HMCN1: variants seen among roughly 807,000 people sequenced by gnomAD.
HMCN1 encodes the protein hemicentin-1.
A neutral mutation model predicts 625.9 loss-of-function variants in HMCN1; 321 were observed. The ratio of observed to expected loss-of-function variants is 0.51; its 90% CI spans 0.47 to 0.56. The LOEUF is 0.56. Ranked by LOEUF, HMCN1 falls within the 20% of genes least tolerant of loss-of-function variation. HMCN1 has a pLI of 0.00. For missense variants in HMCN1, 6,588 were observed against 6,887.3 expected (o/e 0.96, Z 1.54); for synonymous variants, 2,425 against 2,417.6 (o/e 1.00, Z -0.09).
At chr1:186,022,272 G>A (rs1394418830) in intron 35 of HMCN1, among the ~76,000 whole-genome samples, 1 of 152,006 alleles carries the variant, frequency 6.6e-6, no homozygotes, top group African/African-American at 2.4e-5. Flanking sequence ...CTTGGGTGTG[G>A]AACAGGAAGA....
intron 15 of HMCN1, among the ~76,000 whole-genome samples, chr1:185,975,272 T>C (rs993150418): frequency 2.0e-5 from 3 of 152,132 alleles, no homozygotes; most frequent in African/African-American, 7.2e-5. Flanking sequence ...GACTGGGTAA[T>C]TTGTGAAGAA....
intron 4 of HMCN1, among the ~76,000 whole-genome samples, chr1:185,873,122 T>A (rs1663724760): frequency 6.6e-6 from 1 of 152,076 alleles, no homozygotes; most frequent in African/African-American, 2.4e-5. Flanking sequence ...GAAAAAGAAA[T>A]AAACCTATTT....
intron 2 of HMCN1, among the ~76,000 whole-genome samples, chr1:185,855,437 C>T (rs777672366): frequency 9.9e-5 from 15 of 152,096 alleles, no homozygotes; most frequent in Non-Finnish European, 1.9e-4. Context: ...TCTTTTTATT[C>T]TTGGTTGTCT....
intron 1 of HMCN1, among the ~76,000 whole-genome samples, chr1:185,740,204 C>T (rs1653884574): frequency 6.6e-6 from 1 of 152,126 alleles, no homozygotes; most frequent in South Asian, 2.1e-4. Flanking sequence ...ATAGAAGTGA[C>T]GTGATCTGAC....
At position 186,011,537 on chromosome 1, in the gene HMCN1, G is replaced by T. The variant is rs145443970; in HGVS notation, c.4631-3622G>T. Among the ~76,000 whole-genome samples the T allele has an allele frequency of 3.1e-3, 474 of 152,276 alleles. 4 individuals are homozygous for T. Among genetic ancestry groups the T allele is most frequent in the East Asian group, 7.3e-3 (38 of 5,192 alleles). ...TTGACTGCCAATTAATAAATTCTAGGTGAAGGTTAGGTGGAAAGCCCTCAC... is the reference window on the plus strand; with the variant it reads ...TTGACTGCCAATTAATAAATTCTAGTTGAAGGTTAGGTGGAAAGCCCTCAC... On this transcript the variant is annotated intron_variant, in intron 30 of 106. Transcript: ENST00000271588.
At chr1:186,172,883 A>G (rs1252159740) in intron 102 of HMCN1, among the ~76,000 whole-genome samples, 1 of 152,200 alleles carries the variant, frequency 6.6e-6, no homozygotes, top group Non-Finnish European at 1.5e-5. Context: ...ATAAAATTCT[A>G]CAGGAATACC....
At chr1:186,012,921 T>A (rs4650689) in intron 30 of HMCN1, among the ~76,000 whole-genome samples, 55,885 of 152,088 alleles carry the variant, frequency 0.37, 11,993 homozygotes, top group Non-Finnish European at 0.48. Context: ...ATTTGATAAC[T>A]AAATACTCCA....
intron 1 of HMCN1, among the ~76,000 whole-genome samples, chr1:185,783,019 A>G (rs937145667): frequency 5.3e-5 from 8 of 152,288 alleles, no homozygotes; most frequent in Admixed American, 5.2e-4. Context: ...ATATAGTCCC[A>G]TATTTCCTGG....
intron 30 of HMCN1, 135 bp downstream of exon 30, chr1:186,007,417 ATCT>A: frequency 1.3e-6 from 1 of 773,170 alleles, no homozygotes. Context: ...GAAGGAGCTT[ATCT>A]TCATGTGTTT....
intron 1 of HMCN1, among the ~76,000 whole-genome samples, chr1:185,815,801 A>G (rs1009777649): frequency 1.3e-4 from 19 of 150,370 alleles, no homozygotes; most frequent in Non-Finnish European, 7.3e-5. Context: ...CAATAGTACC[A>G]TTAGGCTGCT....
At chr1:185,769,165 A>G (rs116646226) in intron 1 of HMCN1, among the ~76,000 whole-genome samples, 291 of 152,220 alleles carry the variant, frequency 1.9e-3, no homozygotes, top group African/African-American at 6.9e-3. Context: ...ACTTTATAAT[A>G]GGCCAGGTGC....
intron 34 of HMCN1, 62 bp downstream of exon 34, chr1:186,018,414 C>T: frequency 7.1e-7 from 1 of 1,411,198 alleles, no homozygotes; most frequent in Non-Finnish European, 1.0e-6. Context: ...GTTTTATTAT[C>T]TAACTCAGAT....
At chr1:186,156,736 C>G (rs1171716970) in intron 97 of HMCN1, among the ~76,000 whole-genome samples, 2 of 152,092 alleles carry the variant, frequency 1.3e-5, no homozygotes, top group Non-Finnish European at 2.9e-5. Context: ...ATTAAATATC[C>G]TCAAAGTAGG....
chr1:185,902,197 CTT>C, intron 4 of HMCN1, among the ~76,000 whole-genome samples: 1 of 151,582 alleles, frequency 6.6e-6, no homozygotes, highest in Admixed American at 6.6e-5. Context: ...CACATTCTAA[CTT>C]ATCTATTTTA....
At chr1:185,980,618 A>C (rs1164202110) in intron 16 of HMCN1, among the ~76,000 whole-genome samples, 1 of 151,294 alleles carries the variant, frequency 6.6e-6, no homozygotes, top group African/African-American at 2.4e-5. Flanking sequence ...ACCACCATTG[A>C]TGGTGCAGCT....
intron 4 of HMCN1, among the ~76,000 whole-genome samples, chr1:185,885,037 C>A (rs368588747): frequency 5.0e-4 from 75 of 150,996 alleles, no homozygotes; most frequent in Admixed American, 1.3e-3. Flanking sequence ...ATTAATATAT[C>A]TTTTGGAAAG....
chr1:186,136,932 T>A lies in HMCN1; in HGVS notation c.13577T>A (p.Val4526Asp), dbSNP rs1412754851. Residue 4526 changes from valine (V) to aspartate (D), a missense_variant, in exon 87 of 107, where the codon GTC becomes GAC. Transcript: ENST00000271588. ...GSVLVRVPVIVQVHGGFSQWS... is the reference protein window; with the variant it reads ...GSVLVRVPVIDQVHGGFSQWS... Reference sequence around the variant, plus strand: ...GTCCTTGTCAGAGTGCCAGTCATAGTCCAGGGTGAGTGTGATCAGAGGAAT... The same window carrying A: ...GTCCTTGTCAGAGTGCCAGTCATAGACCAGGGTGAGTGTGATCAGAGGAAT... The A allele has an allele frequency of 6.2e-7, 1 of 1,613,552 alleles. No individual in the cohort carries two copies. Among genetic ancestry groups the A allele is most frequent in the Admixed American group, 1.7e-5 (1 of 60,002 alleles).
At chr1:186,082,727 C>A in intron 56 of HMCN1, 138 bp from the exon 57 acceptor site, 1 of 382,460 alleles carries the variant, frequency 2.6e-6, no homozygotes. Context: ...AAGCTAGCAT[C>A]AGCACTAGTA....
intron 6 of HMCN1, among the ~76,000 whole-genome samples, chr1:185,913,991 A>G (rs990386570): frequency 6.6e-6 from 1 of 152,096 alleles, no homozygotes; most frequent in Non-Finnish European, 1.5e-5. Context: ...AGGGAACAAT[A>G]AAAAGACACA....
Sources: gnomAD v4.1 joint callset for allele counts (sites outside exome capture counted in the v4.1 genomes callset) on GRCh38, gnomAD v4.1.1 for gene constraint, MANE v1.5 for transcripts, NCBI Gene and HGNC (gene_info 2026-07-23, HGNC 2026-07-21) for gene names.